Variants in DNAH3 observed in about 807,000 individuals in gnomAD.
DNAH3 encodes the protein dynein axonemal heavy chain 3.
In DNAH3, 332 loss-of-function variants were observed where a neutral mutation model predicts 432.5. That is an observed-to-expected ratio of 0.77 (90% CI 0.70 to 0.84). The LOEUF is 0.84. DNAH3 is among the 40% of genes least tolerant of loss of function. The pLI is 0.00. For missense variants in DNAH3, 4,861 were observed against 5,114.0 expected, an observed-to-expected ratio of 0.95 and a Z score of 1.51; for synonymous variants, 1,956 against 1,900.2, an observed-to-expected ratio of 1.03 and a Z score of -0.76.
At chr16:20,979,875 G>A (rs937126725) in intron 49 of DNAH3, among the ~76,000 whole-genome samples, 23 of 152,002 alleles carry the variant, frequency 1.5e-4, no homozygotes, top group African/African-American at 4.6e-4. Flanking sequence ...TCAGCCTCCC[G>A]AGTAGCTGGG....
chr16:21,158,907 C>A (rs1188263476), intron 1 of DNAH3, among the ~76,000 whole-genome samples: 2 of 152,040 alleles, frequency 1.3e-5, no homozygotes, highest in African/African-American at 4.8e-5. Flanking sequence ...TAAGGGGCGT[C>A]TCCTGCTTAT....
chr16:21,072,819 T>C (rs562650252), intron 21 of DNAH3, among the ~76,000 whole-genome samples: 4 of 144,838 alleles, frequency 2.8e-5, no homozygotes, highest in African/African-American at 8.0e-5. Flanking sequence ...CAGCTAATTA[T>C]TATTATTATT....
chr16:21,051,728 C>T, exon 29 of DNAH3: 1 of 1,613,996 alleles, frequency 6.2e-7, no homozygotes. Flanking sequence ...CCCAGGTACT[C>T]ATAGCCATAC....
At chr16:20,992,909 A>G (rs1464191465) in intron 44 of DNAH3, among the ~76,000 whole-genome samples, 1 of 152,170 alleles carries the variant, frequency 6.6e-6, no homozygotes, top group Non-Finnish European at 1.5e-5. Context: ...TTTGTTGCCC[A>G]GGCTGGAGCG....
At chr16:21,081,279 G>A (rs1463298108) in intron 20 of DNAH3, among the ~76,000 whole-genome samples, 1 of 151,746 alleles carries the variant, frequency 6.6e-6, no homozygotes, top group African/African-American at 2.4e-5. Context: ...GACGGTTGTT[G>A]CTTTGTTTGT....
intron 51 of DNAH3, among the ~76,000 whole-genome samples, chr16:20,971,782 C>G (rs1299214098): frequency 4.6e-5 from 7 of 152,230 alleles, no homozygotes. Context: ...CCCTCTGCGA[C>G]CCACATGTGG....
rs542901605 is a variant in DNAH3, at chr16:21,105,661, G to A, written c.2284+829C>T. Among the ~76,000 whole-genome samples the A allele has an allele frequency of 3.9e-5, 6 of 152,144 alleles. No individual in the cohort carries two copies. In the South Asian group the frequency reaches 1.2e-3, roughly 32 times the overall value. ...CGTGCCTGTAATTCCAGCTACTCAG[G>A]AGGCTGAGGCATGAGAATTGATGGA... On this transcript the variant is annotated intron_variant, in intron 15 of 61. Coordinates refer to ENST00000261383, the Ensembl canonical transcript of DNAH3.
chr16:21,010,025 C>T (rs1214077138), intron 41 of DNAH3, among the ~76,000 whole-genome samples: 1 of 151,844 alleles, frequency 6.6e-6, no homozygotes, highest in African/African-American at 2.4e-5. Flanking sequence ...AGCAGTGTGA[C>T]CTTGGCTAAG....
chr16:21,134,000 C>T (rs2092606224), intron 7 of DNAH3: 2 of 348,952 alleles, frequency 5.7e-6, no homozygotes, highest in Non-Finnish European at 1.0e-5. Context: ...AGCAGGCTGG[C>T]TCCAAGTCTG....
intron 41 of DNAH3, among the ~76,000 whole-genome samples, chr16:21,018,210 AC>A (rs2087960764): frequency 1.3e-5 from 2 of 152,202 alleles, no homozygotes; most frequent in Admixed American, 6.6e-5. Flanking sequence ...AAGATATGCA[AC>A]ATTACTATCT....
rs1289483052 is a variant in DNAH3 at position 20,997,456 on chromosome 16, AG to A, written c.6427del (p.Leu2143SerfsTer18). 2 of 1,613,808 alleles carry A rather than the reference AG, an allele frequency of 1.2e-6. No individual in the cohort carries two copies. Among genetic ancestry groups the A allele is most frequent in the African/African-American group, 2.7e-5 (2 of 74,906 alleles). On this transcript the variant is annotated frameshift_variant, in exon 44 of 62. Transcript: ENST00000261383. LOFTEE classifies it high-confidence loss of function. ...ATACACCTCTTTGGCTGGCATGTTG[AG>A]GTCATCTGGGGAAAGAAACCACAGA...
chr16:21,156,181 TTTTATTTTATTTTATTTTA>T (rs2092896049), intron 1 of DNAH3, among the ~76,000 whole-genome samples: 2 of 147,990 alleles, frequency 1.4e-5, no homozygotes, highest in South Asian at 2.1e-4. Context: ...TTTTATTTTA[TTTTATTTTATTTTATTTTA>T]TTTATTTTAT....
At chr16:20,969,916 G>C (rs1485051744) in exon 52 of DNAH3, 18 of 1,614,154 alleles carry the variant, frequency 1.1e-5, no homozygotes, top group Non-Finnish European at 1.5e-5. Context: ...TGTCGGCCGG[G>C]TTCAGGGTGT....
chr16:21,074,097 G>A (rs769617621), intron 21 of DNAH3, among the ~76,000 whole-genome samples: 43 of 152,034 alleles, frequency 2.8e-4, no homozygotes, highest in Non-Finnish European at 4.4e-4. Context: ...GAGTATTGGC[G>A]GTGAATGACC....
At chr16:20,981,991 CATATATA>C (rs61060209) in intron 49 of DNAH3, among the ~76,000 whole-genome samples, 24,276 of 146,922 alleles carry the variant, frequency 0.17, 2,201 homozygotes, top group African/African-American at 0.24. Flanking sequence ...ATATAAAGCA[CATATATA>C]ATATATAATA....
chr16:21,139,043 A>C (rs947863025), intron 5 of DNAH3, among the ~76,000 whole-genome samples: 1 of 152,192 alleles, frequency 6.6e-6, no homozygotes, highest in African/African-American at 2.4e-5. Context: ...AGTTTTTATT[A>C]ATCATTTTAT....
rs370492023 is a variant in DNAH3 at position 21,060,675 on chromosome 16, C to A, written c.3721-319G>T. Reference sequence around the variant, plus strand: ...GAGTAGCTGGGATTACAGGCGTGCACCACCACCGCGGCTGATGAATTTTGT... The same window carrying A: ...GAGTAGCTGGGATTACAGGCGTGCAACACCACCGCGGCTGATGAATTTTGT... On this transcript the variant is annotated intron_variant, in intron 25 of 61. Transcript: ENST00000261383. 1.2e-4 allele frequency among the ~76,000 whole-genome samples: 18 copies of A among 151,462 alleles called. No individual in the cohort carries two copies. In the South Asian group the frequency reaches 3.1e-3, roughly 26 times the overall value.
At chr16:21,046,305 A>T (rs1371153618) in intron 31 of DNAH3, among the ~76,000 whole-genome samples, 1 of 147,442 alleles carries the variant, frequency 6.8e-6, no homozygotes, top group Non-Finnish European at 1.5e-5. Flanking sequence ...AATGTGTGGG[A>T]GTCTAAGTCT....
intron 21 of DNAH3, among the ~76,000 whole-genome samples, chr16:21,074,479 G>A (rs540152303): frequency 1.8e-4 from 27 of 152,104 alleles, no homozygotes; most frequent in African/African-American, 5.3e-4. Flanking sequence ...TTTGGGAGGC[G>A]GAGGTGGGCA....
Sources: gnomAD v4.1 joint callset for allele counts (sites outside exome capture counted in the v4.1 genomes callset) on GRCh38, gnomAD v4.1.1 for gene constraint, MANE v1.5 for transcripts, NCBI Gene and HGNC (gene_info 2026-07-23, HGNC 2026-07-21) for gene names.